The following OTUD7A variants were observed in gnomAD, a reference collection of about 807,000 sequenced individuals.
The protein encoded by OTUD7A is OTU domain-containing protein 7A.
A neutral mutation model predicts 65.7 loss-of-function variants in OTUD7A; 12 were observed. That is an observed-to-expected ratio of 0.18 (90% CI 0.12 to 0.30). OTUD7A has a LOEUF of 0.30. Among genes scored for constraint, OTUD7A ranks in the 10% least tolerant of loss-of-function variants. OTUD7A has a pLI of 1.00. For synonymous variants in OTUD7A, 641 were observed against 586.3 expected, an observed-to-expected ratio of 1.09 and a Z score of -1.35; for missense variants, 1,148 against 1,304.8, an observed-to-expected ratio of 0.88 and a Z score of 1.85.
In OTUD7A at chr15:31,526,333, C is replaced by G. The variant is rs1225061938; in HGVS notation, c.893+16G>C. ...AGCTGGAGGTGACTTCTGGGGAGAG[C>G]AGGGGCAGCACTTACCCCCCGCCCG... On this transcript the variant is annotated intron_variant, in intron 8 of 12. Coordinates refer to ENST00000307050, the MANE Select transcript of OTUD7A (RefSeq NM_001382637.1). 9.5e-6 allele frequency: 15 copies of G among 1,571,490 alleles called. No individual in the cohort carries two copies. Among genetic ancestry groups the G allele is most frequent in the Non-Finnish European group, 1.3e-5 (15 of 1,163,082 alleles).
chr15:31,524,732 G>A (rs868344365), intron 8 of OTUD7A, among the ~76,000 whole-genome samples: 2 of 152,142 alleles, frequency 1.3e-5, no homozygotes, highest in Admixed American at 6.5e-5. Flanking sequence ...CCAGGGGCAG[G>A]GGACCAGGCT....
At chr15:31,763,997 A>T (rs895785167) in intron 1 of OTUD7A, among the ~76,000 whole-genome samples, 5 of 152,236 alleles carry the variant, frequency 3.3e-5, no homozygotes, top group East Asian at 3.8e-4. Flanking sequence ...GAAGAGAATT[A>T]GTCAATGGAG....
Position 31,478,244 on chromosome 15 carries a change from T to C in OTUD7A, c.*5050A>G, listed in dbSNP as rs1049527842. On this transcript the variant is annotated 3_prime_UTR_variant, in exon 13 of 13. Coordinates refer to ENST00000307050, the MANE Select transcript of OTUD7A (RefSeq NM_001382637.1). ...ATTCTAAAACAGCTGGTTTCACTCA[T>C]TTGTCCTCATTAAATAGGTTGCTTT... is the stretch of plus-strand genomic sequence containing the variant. 6.6e-6 allele frequency: 1 copy of C among 152,342 alleles called. No individual in the cohort carries two copies. Among genetic ancestry groups the C allele is most frequent in the African/African-American group, 2.4e-5 (1 of 41,570 alleles). 9.4% of individuals were successfully genotyped at this position (152,342 alleles called of 1,614,324 possible).
chr15:31,630,423 G>A (rs199886301), intron 3 of OTUD7A, among the ~76,000 whole-genome samples: 9 of 151,638 alleles, frequency 5.9e-5, no homozygotes, highest in Non-Finnish European at 8.8e-5. Flanking sequence ...TCTTAGTCCT[G>A]AGTTCTAGTT....
At chr15:31,869,826 C>T (rs1897977623) in intron 1 of OTUD7A, among the ~76,000 whole-genome samples, 3 of 152,214 alleles carry the variant, frequency 2.0e-5, no homozygotes, top group Admixed American at 1.3e-4. Context: ...TTAATGATGA[C>T]ATCACTGACA....
chr15:31,863,558 GC>G (rs1897799993), intron 1 of OTUD7A, among the ~76,000 whole-genome samples: 1 of 152,206 alleles, frequency 6.6e-6, no homozygotes, highest in Non-Finnish European at 1.5e-5. Context: ...TGAAGTCACA[GC>G]CTGAGCTCTA....
chr15:31,611,261 C>G (rs933674144), intron 3 of OTUD7A, among the ~76,000 whole-genome samples: 1 of 152,082 alleles, frequency 6.6e-6, no homozygotes, highest in Non-Finnish European at 1.5e-5. Flanking sequence ...GAAACAAGAA[C>G]AAACCAAAGC....
chr15:31,507,527 G>T (rs1302504366), intron 8 of OTUD7A, among the ~76,000 whole-genome samples: 2 of 152,138 alleles, frequency 1.3e-5, no homozygotes, highest in Non-Finnish European at 2.9e-5. Context: ...TCTTAAGTGT[G>T]GCACGGACCC....
At chr15:31,646,683 A>T (rs1168010224) in intron 3 of OTUD7A, among the ~76,000 whole-genome samples, 3 of 151,190 alleles carry the variant, frequency 2.0e-5, no homozygotes, top group Non-Finnish European at 4.4e-5. Context: ...CTGGCCTCGA[A>T]CTCCTGACCT....
At chr15:31,621,920 A>G (rs1008561106) in intron 3 of OTUD7A, among the ~76,000 whole-genome samples, 4 of 152,022 alleles carry the variant, frequency 2.6e-5, no homozygotes, top group African/African-American at 9.7e-5. Context: ...TCCTTTCCAC[A>G]TTTAGTGCTT....
rs1335857702 is a variant in OTUD7A at position 31,481,934 on chromosome 15, T to C, written c.*1360A>G. 1 of 152,164 alleles carries C rather than the reference T, an allele frequency of 6.6e-6. No individual in the cohort carries two copies. The highest frequency in any genetic ancestry group is 1.5e-5 in the Non-Finnish European group (1 of 68,030). 9.4% of individuals were successfully genotyped at this position (152,164 alleles called of 1,614,324 possible). ...TCTAAGGCTCTCACAGGTTTTATAG[T>C]ATTCTTTGTTAGTGAGGATTTTACC... is the stretch of plus-strand genomic sequence containing the variant. On this transcript the variant is annotated 3_prime_UTR_variant, in exon 13 of 13. Transcript: ENST00000307050.
intron 1 of OTUD7A, among the ~76,000 whole-genome samples, chr15:31,853,798 T>C (rs1432099803): frequency 2.6e-5 from 4 of 152,202 alleles, no homozygotes; most frequent in Admixed American, 6.5e-5. Context: ...CCAGTGTGCA[T>C]CCCGCCCTGG....
chr15:31,752,138 T>C (rs980106641), intron 1 of OTUD7A, among the ~76,000 whole-genome samples: 21 of 152,198 alleles, frequency 1.4e-4, no homozygotes, highest in Admixed American at 1.3e-3. Context: ...CCTACAGTGA[T>C]GCTTTGATTC....
intron 1 of OTUD7A, among the ~76,000 whole-genome samples, chr15:31,863,483 G>A (rs1897798152): frequency 6.6e-6 from 1 of 152,168 alleles, no homozygotes; most frequent in Non-Finnish European, 1.5e-5. Context: ...CTTAATTCTT[G>A]ACTTCTGTGT....
chr15:31,722,401 T>C (rs1161610988), intron 1 of OTUD7A, among the ~76,000 whole-genome samples: 1 of 152,040 alleles, frequency 6.6e-6, no homozygotes, highest in Non-Finnish European at 1.5e-5. Context: ...TCTCAGAAAA[T>C]GGGCAGCTTC....
intron 10 of OTUD7A, 85 bp downstream of exon 10, chr15:31,501,605 C>T (rs1167394729): frequency 1.3e-6 from 2 of 1,559,918 alleles, no homozygotes; most frequent in Admixed American, 1.7e-5. Flanking sequence ...CTCCACAATC[C>T]ACCTCCCCGT....
intron 1 of OTUD7A, among the ~76,000 whole-genome samples, chr15:31,730,253 T>C (rs745786566): frequency 2.7e-4 from 41 of 152,200 alleles, no homozygotes; most frequent in Non-Finnish European, 5.1e-4. Flanking sequence ...TAAATGTCTG[T>C]TGTTTAAGCC....
chr15:31,504,124 T>C (rs2041519098), intron 8 of OTUD7A, among the ~76,000 whole-genome samples: 1 of 152,144 alleles, frequency 6.6e-6, no homozygotes, highest in South Asian at 2.1e-4. Flanking sequence ...CACCAGAGCC[T>C]GTGGTAGCAG....
At chr15:31,598,373 G>T (rs1265865741) in intron 3 of OTUD7A, among the ~76,000 whole-genome samples, 1 of 152,120 alleles carries the variant, frequency 6.6e-6, no homozygotes, top group Non-Finnish European at 1.5e-5. Flanking sequence ...AGGGCAGGGC[G>T]TCGCCTCACC....
Sources: gnomAD v4.1 joint callset for allele counts (sites outside exome capture counted in the v4.1 genomes callset) on GRCh38, gnomAD v4.1.1 for gene constraint, MANE v1.5 for transcripts, NCBI Gene and HGNC (gene_info 2026-07-23, HGNC 2026-07-21) for gene names.